PKD1: variants seen among roughly 807,000 people sequenced by gnomAD.
The protein encoded by PKD1 is polycystin-1.
A neutral mutation model predicts 361.7 loss-of-function variants in PKD1; 81 were observed. That is an observed-to-expected ratio of 0.22 (90% CI 0.19 to 0.27). PKD1 has a LOEUF of 0.27. Among genes scored for constraint, PKD1 ranks in the 10% least tolerant of loss-of-function variants. The pLI is 1.00. For synonymous variants in PKD1, 3,615 were observed against 2,818.3 expected, an observed-to-expected ratio of 1.28 and a Z score of -8.95; for missense variants, 6,399 against 6,118.3, an observed-to-expected ratio of 1.05 and a Z score of -1.53.
At chr16:2,122,548 C>T (rs947961652) in intron 1 of PKD1, among the ~76,000 whole-genome samples, 20 of 152,334 alleles carry the variant, frequency 1.3e-4, no homozygotes, top group African/African-American at 4.8e-4. Context: ...CACACCATCC[C>T]CGCCGTGGGG....
At chr16:2,113,721 C>A (rs2092577900) in intron 11 of PKD1, 7 of 358,234 alleles carry the variant, frequency 2.0e-5, no homozygotes, top group South Asian at 1.9e-4. Flanking sequence ...CCTCCCAAGG[C>A]CCCTGGTGAA....
At position 2,115,766 on chromosome 16, in the gene PKD1, G is replaced by C. The variant is rs552331758; in HGVS notation, c.1850-141C>G. ...GGCAGCACTCCCAGCCCAGTGCTGC[G>C]TCCGTCTCCGGCCAGCCGACTGACC... On this transcript the variant is annotated intron_variant, in intron 9 of 45. Coordinates refer to ENST00000262304, the MANE Select transcript of PKD1 (RefSeq NM_001009944.3). 83 of 1,018,960 alleles carry C rather than the reference G, an allele frequency of 8.1e-5. No individual in the cohort carries two copies. In the African/African-American group the frequency reaches 1.2e-3, roughly 14 times the overall value. The allele number at this position is 1,018,960 out of a possible 1,614,324, so 63.1% of individuals were successfully genotyped here. A position where few individuals can be genotyped will look rare whatever the true frequency, so the allele number is the denominator to read the frequency against.
rs991927470 is a variant in PKD1 at position 2,108,052 on chromosome 16, G to C, written c.6916-20C>G. On this transcript the variant is annotated intron_variant, in intron 15 of 45. Coordinates refer to ENST00000262304, the MANE Select transcript of PKD1 (RefSeq NM_001009944.3). ...CTCCCTCTGCAGGCCGAGAACAAGG[G>C]GCGACGTGGCCTGAGAGCCCCATCC... The C allele has an allele frequency of 1.3e-6, 2 of 1,571,846 alleles. No individual in the cohort carries two copies. The highest frequency in any genetic ancestry group is 1.1e-5 in the South Asian group (1 of 87,128).
At position 2,100,457 on chromosome 16, in the gene PKD1, C is replaced by A. The variant is rs374435109; in HGVS notation, c.9507G>T (p.Arg3169=). The A allele has an allele frequency of 4.7e-5, 75 of 1,610,978 alleles. No homozygotes were observed. Among genetic ancestry groups the A allele is most frequent in the Non-Finnish European group, 1.4e-5 (17 of 1,179,732 alleles). ...TACCCAGGCTGTGCGGGGTGGCGAT[C>A]CGGAAGATGTCCAGGCTGTTGCGGT... ...AFHRNSLDIF[R]IATPHSLGSV... Residue 3169 remains arginine (R), a synonymous_variant, in exon 27 of 46, where the codon CGG becomes CGT. Transcript: ENST00000262304. The surrounding 1 kb of genome is among the most constrained non-coding windows in gnomAD (Gnocchi z 4.4).
Position 2,103,446 on chromosome 16 carries a change from C to A in PKD1, c.8611G>T (p.Ala2871Ser). Reference protein sequence around the residue: ...IPIERLASERAITVKVPNNSD... With the variant: ...IPIERLASERSITVKVPNNSD... ...TTGTTGGGCACCTTCACGGTGATGG[C>A]GCGCTCTGAGGCCAGCCGCTCGATG... Residue 2871 changes from alanine to serine, a missense_variant, in exon 23 of 46, where the codon GCC becomes TCC. By Grantham distance (99) the Ala-to-Ser change is moderately conservative (BLOSUM62 1). Coordinates refer to ENST00000262304, the MANE Select transcript of PKD1 (RefSeq NM_001009944.3). 6.3e-7 allele frequency: 1 copy of A among 1,599,214 alleles called. No individual in the cohort carries two copies. The highest frequency in any genetic ancestry group is 8.5e-7 in the Non-Finnish European group (1 of 1,179,486).
rs762605679 is a variant in PKD1 at position 2,114,303 on chromosome 16, T to A, written c.2720A>T (p.His907Leu). The change falls in exon 11 of 46, where the codon CAC (histidine) becomes CTC (leucine). Residue 907 changes from histidine to leucine, a missense_variant. By Grantham distance (99) the His-to-Leu change is moderately conservative (BLOSUM62 -3). Coordinates refer to ENST00000262304, the MANE Select transcript of PKD1 (RefSeq NM_001009944.3). ...VALPWLSEGE[H>L]VVDVVVENSA... Reference sequence around the variant, plus strand: ...GTTTTCCACCACCACGTCCACCACGTGCTCCCCCTCACTGAGCCACGGCAG... The same window carrying A: ...GTTTTCCACCACCACGTCCACCACGAGCTCCCCCTCACTGAGCCACGGCAG... 1.2e-6 allele frequency: 2 copies of A among 1,610,548 alleles called. No homozygotes were observed. Among genetic ancestry groups the A allele is most frequent in the Non-Finnish European group, 1.7e-6 (2 of 1,179,704 alleles).
chr16:2,097,485 G>C lies in PKD1; in HGVS notation c.10239C>G (p.Ser3413=), dbSNP rs150310430. 1.9e-6 allele frequency: 3 copies of C among 1,602,074 alleles called. No homozygotes were observed. The part of the protein sequence containing the change: ...DDSKSLVCWP[S]GEGTLSWPDL... The stretch of plus-strand genomic sequence containing the variant: ...CCGGCCAACTGAGCGTTCCCTCGCC[G>C]GAGGGCCAGCACACCAGACTGCAGG... The change falls in exon 33 of 46, where the codon TCC becomes TCG. Residue 3413 remains serine, a synonymous_variant. Coordinates refer to ENST00000262304, the MANE Select transcript of PKD1 (RefSeq NM_001009944.3).
intron 1 of PKD1, among the ~76,000 whole-genome samples, chr16:2,130,007 C>T (rs2092850231): frequency 6.6e-6 from 1 of 152,218 alleles, no homozygotes; most frequent in African/African-American, 2.4e-5. Flanking sequence ...CTGCTGCAGA[C>T]ACAACCAAAG....
Position 2,103,249 on chromosome 16 carries a change from C to T in PKD1, c.8791+17G>A, listed in dbSNP as rs2092175904. The T allele has an allele frequency of 2.5e-6, 4 of 1,608,976 alleles. No homozygotes were observed. In the East Asian group the frequency reaches 8.9e-5, roughly 36 times the overall value. On this transcript the variant is annotated intron_variant, in intron 23 of 45. Transcript: ENST00000262304. ...ACAAGGCCAGGGGGCCGCGTGTGCCCCACCCGCTGCACGCACCGTCCAGCA... is the reference window on the plus strand; with the variant it reads ...ACAAGGCCAGGGGGCCGCGTGTGCCTCACCCGCTGCACGCACCGTCCAGCA...
In PKD1 at chr16:2,089,704, C is replaced by T. The variant is rs1452940660; in HGVS notation, c.*23G>A. 3 of 1,559,710 alleles carry T rather than the reference C, an allele frequency of 1.9e-6. No homozygotes were observed. The highest frequency in any genetic ancestry group is 2.4e-5 in the East Asian group (1 of 42,488). ...AGCGGTGTCCACTCCGACTCCACGG[C>T]CCACCCCCGCCAGGAAGGAGGACTA... On this transcript the variant is annotated 3_prime_UTR_variant, in exon 46 of 46. Coordinates refer to ENST00000262304, the MANE Select transcript of PKD1 (RefSeq NM_001009944.3).
intron 1 of PKD1, among the ~76,000 whole-genome samples, chr16:2,121,609 T>C (rs1222326695): frequency 6.6e-6 from 1 of 152,094 alleles, no homozygotes; most frequent in Non-Finnish European, 1.5e-5. Flanking sequence ...GAGCTGGTGA[T>C]GCGGAGGTGA....
rs1381425183 is a variant in PKD1 at position 2,106,165 on chromosome 16, G to A, written c.7629C>T (p.Phe2543=). The A allele has an allele frequency of 3.1e-6, 5 of 1,608,946 alleles. No individual in the cohort carries two copies. The stretch of plus-strand genomic sequence containing the variant: ...CCAGGCCCACCTCGAAGTGTGGCCT[G>A]AAACCCGGGGGCAGCACGGCTCCGT... ...SSYGAVLPPG[F]RPHFEVGLAV... is the part of the protein sequence containing the mutation. The change falls in exon 19 of 46, where the codon TTC becomes TTT. Residue 2543 remains phenylalanine, a synonymous_variant. Transcript: ENST00000262304. The surrounding 1 kb of genome is among the most constrained non-coding windows in gnomAD (Gnocchi z 6.5).
rs1252792221 is a variant in PKD1 at position 2,116,049 on chromosome 16, C to G, written c.1792G>C (p.Glu598Gln). The change falls in exon 9 of 46, where the codon GAG becomes CAG. Residue 598 changes from glutamate (E) to glutamine (Q), a missense_variant. Transcript: ENST00000262304. Reference protein sequence around the residue: ...FLTTAEFGTQELRRPAQLRLQ... With the variant: ...FLTTAEFGTQQLRRPAQLRLQ... ...CGCAGCTGGGCGGGCCGCCGGAGCT[C>G]CTGGGTCCCAAATTCGGCCGTGGTG... The G allele has an allele frequency of 6.5e-7, 1 of 1,531,966 alleles. No homozygotes were observed. Among genetic ancestry groups the G allele is most frequent in the African/African-American group, 1.4e-5 (1 of 72,756 alleles). The allele number at this position is 1,531,966 out of a possible 1,614,324, so 94.9% of individuals were successfully genotyped here.
Position 2,109,342 on chromosome 16 carries a change from CG to C in PKD1, c.5824del (p.Arg1942AlafsTer7), listed in dbSNP as rs1567195285. 1 of 1,590,920 alleles carries C rather than the reference CG, an allele frequency of 6.3e-7. No homozygotes were observed. On this transcript the variant is annotated frameshift_variant, in exon 15 of 46. Transcript: ENST00000262304. LOFTEE classifies it high-confidence loss of function. ...CACGCTCACCACGTGGTCTCCGACG[CG>C]GGGGAAGCTGTGGGAGAAACGGGGC... is the stretch of plus-strand genomic sequence containing the variant. ...PGPRFSHSFP[R>X]VGDHVVSVRG...
chr16:2,130,171 G>A (rs1006168437), intron 1 of PKD1, among the ~76,000 whole-genome samples: 3 of 152,326 alleles, frequency 2.0e-5, no homozygotes, highest in African/African-American at 4.8e-5. Context: ...CTGAACGCCC[G>A]AGTGCGGGAG....
intron 1 of PKD1, among the ~76,000 whole-genome samples, chr16:2,124,425 G>T (rs1368846006): frequency 6.6e-6 from 1 of 152,254 alleles, no homozygotes; most frequent in Non-Finnish European, 1.5e-5. Context: ...GAAGCCTGAG[G>T]CTGGCAGGGC....
chr16:2,119,247 C>T (rs1327694595), intron 2 of PKD1, 60 bp downstream of exon 2: 4 of 1,342,204 alleles, frequency 3.0e-6, no homozygotes, highest in African/African-American at 1.4e-5. Flanking sequence ...CAGCAAGAGG[C>T]GGTGCCGCCA....
chr16:2,121,083 G>C, intron 1 of PKD1, among the ~76,000 whole-genome samples: 1 of 151,914 alleles, frequency 6.6e-6, no homozygotes, highest in East Asian at 1.9e-4. Context: ...GAAGGGGAAA[G>C]AGCCGGGTGC....
In PKD1 at chr16:2,108,666, G is replaced by A. The variant is rs753738626; in HGVS notation, c.6501C>T (p.Asn2167=). The change falls in exon 15 of 46, where the codon AAC becomes AAT. Residue 2167 remains asparagine, a synonymous_variant. Coordinates refer to ENST00000262304, the MANE Select transcript of PKD1 (RefSeq NM_001009944.3). ...LQVLMRRSQR[N]YLEAHVDLRD... ...GCAGGTCAACGTGGGCCTCCAAGTA[G>A]TTGCGCTGTGATCGCCGCATCAGCA... 1.4e-5 allele frequency: 22 copies of A among 1,565,304 alleles called. No homozygotes were observed. In the East Asian group the frequency reaches 5.0e-4, roughly 35 times the overall value.
Sources: gnomAD v4.1 joint callset for allele counts (sites outside exome capture counted in the v4.1 genomes callset) on GRCh38, gnomAD v4.1.1 for gene constraint, Gnocchi (gnomAD v3.1) non-coding constraint, MANE v1.5 for transcripts, NCBI Gene and HGNC (gene_info 2026-07-23, HGNC 2026-07-21) for gene names.